The following SP4 variants were observed in gnomAD, a reference collection of about 807,000 sequenced individuals.
SP4 encodes the protein Sp4 transcription factor, also known as transcription factor Sp4.
A neutral mutation model predicts 72.8 loss-of-function variants in SP4; 19 were observed. The observed-to-expected ratio is 0.26, with a 90% CI of 0.18 to 0.38. The LOEUF (loss-of-function observed/expected upper bound fraction) is 0.38, where lower values mean the gene tolerates loss of function less well. Ranked by LOEUF, SP4 falls within the 10% of genes least tolerant of loss-of-function variation. The pLI is 1.00. For missense variants in SP4, 1,008 were observed against 926.3 expected (o/e 1.09, Z -1.14); for synonymous variants, 395 against 333.1 (o/e 1.19, Z -2.02).
chr7:21,467,540 A>C lies in SP4; in HGVS notation c.1679-9539A>C, dbSNP rs531789962. Among the ~76,000 whole-genome samples the C allele has an allele frequency of 5.3e-4, 80 of 152,198 alleles. No individual in the cohort carries two copies. In the Middle Eastern group the frequency reaches 0.017, roughly 32 times the overall value. On this transcript the variant is annotated intron_variant, in intron 3 of 5. Transcript: ENST00000222584. ...CTCCTTTCTATCCTCCCCAGCCCTA[A>C]GCATATTTGGTTATCTTTTTATGTT...
intron 5 of SP4, among the ~76,000 whole-genome samples, chr7:21,499,863 T>G (rs543088004): frequency 3.3e-5 from 5 of 152,300 alleles, no homozygotes; most frequent in African/African-American, 1.2e-4. Flanking sequence ...AAAAACAGAT[T>G]ATAGGCAGAA....
chr7:21,429,530 C>T lies in SP4; in HGVS notation c.365C>T (p.Ser122Phe), dbSNP rs1782758549. The change falls in exon 3 of 6, where the codon TCT becomes TTT. Residue 122 changes from serine (S) to phenylalanine (F), a missense_variant. Transcript: ENST00000222584. ...GAGAATAACGTTTCTCAACCAGCCT[C>T]TAGTTCGTCTAGTTCTTCCAGCAGT... Reference protein sequence around the residue: ...SKENNVSQPASSSSSSSSSNN... With the variant: ...SKENNVSQPAFSSSSSSSSNN... The T allele has an allele frequency of 1.2e-6, 2 of 1,614,014 alleles. No individual in the cohort carries two copies. The highest frequency in any genetic ancestry group is 2.7e-5 in the African/African-American group (2 of 74,926).
At chr7:21,436,385 G>T (rs1323225773) in intron 3 of SP4, among the ~76,000 whole-genome samples, 1 of 152,180 alleles carries the variant, frequency 6.6e-6, no homozygotes, top group Non-Finnish European at 1.5e-5. Context: ...CATAGATCTT[G>T]TAGAAATAAC....
chr7:21,443,921 A>G (rs372172053), intron 3 of SP4, among the ~76,000 whole-genome samples: 8 of 152,262 alleles, frequency 5.3e-5, no homozygotes, highest in African/African-American at 1.7e-4. Flanking sequence ...TACAAACTAT[A>G]ACATGCTTGT....
chr7:21,501,673 A>ATC (rs991513140), intron 5 of SP4, among the ~76,000 whole-genome samples: 16 of 152,300 alleles, frequency 1.1e-4, no homozygotes, highest in African/African-American at 3.8e-4. Flanking sequence ...TAAATGGGTC[A>ATC]TCAATTCCAG....
chr7:21,504,274 C>T (rs375096037), intron 5 of SP4, among the ~76,000 whole-genome samples: 59 of 152,282 alleles, frequency 3.9e-4, no homozygotes, highest in African/African-American at 1.4e-3. Context: ...TTATTTTCCC[C>T]TGCTATTTAT....
At chr7:21,478,737 T>G (rs1170344719) in intron 4 of SP4, among the ~76,000 whole-genome samples, 1 of 152,186 alleles carries the variant, frequency 6.6e-6, no homozygotes, top group African/African-American at 2.4e-5. Flanking sequence ...TCTTTATATA[T>G]TCTACATACA....
intron 3 of SP4, among the ~76,000 whole-genome samples, chr7:21,455,505 AT>A (rs1783734318): frequency 6.6e-6 from 1 of 152,148 alleles, no homozygotes; most frequent in Non-Finnish European, 1.5e-5. Flanking sequence ...ACTTTCCTAT[AT>A]CCTGAATAGG....
At chr7:21,428,346 C>T (rs1782694908) in intron 1 of SP4, 88 bp downstream of exon 1, 1 of 730,592 alleles carries the variant, frequency 1.4e-6, no homozygotes, top group Non-Finnish European at 2.5e-6. Flanking sequence ...CCCCCTCCCC[C>T]GGGGCCGCTG....
intron 4 of SP4, among the ~76,000 whole-genome samples, chr7:21,477,854 T>G (rs1784553998): frequency 6.6e-6 from 1 of 152,180 alleles, no homozygotes; most frequent in Non-Finnish European, 1.5e-5. Context: ...TTTTTTCTTT[T>G]TCATAAAATA....
Position 21,428,195 on chromosome 7 carries a change from C to G in SP4, c.-57C>G. 1 of 982,148 alleles carries G rather than the reference C, an allele frequency of 1.0e-6. No individual in the cohort carries two copies. Among genetic ancestry groups the G allele is most frequent in the Non-Finnish European group, 1.5e-6 (1 of 648,566 alleles). The allele number at this position is 982,148 out of a possible 1,614,324, so 60.8% of individuals were successfully genotyped here. A position where few individuals can be genotyped will look rare whatever the true frequency, so the allele number is the denominator to read the frequency against. On this transcript the variant is annotated 5_prime_UTR_variant, in exon 1 of 6. Coordinates refer to ENST00000222584, the MANE Select transcript of SP4 (RefSeq NM_003112.5). ...GGCCTCTCCTCCCGCCTCGCCCCCA[C>G]CCCCACCCACCTCTATCCCAGTGTC...
intron 3 of SP4, among the ~76,000 whole-genome samples, chr7:21,447,203 C>G (rs1239199083): frequency 6.6e-6 from 1 of 152,218 alleles, no homozygotes; most frequent in Non-Finnish European, 1.5e-5. Flanking sequence ...CTGAGATTCT[C>G]TAGCTTACAA....
chr7:21,495,325 A>G (rs909030783), intron 5 of SP4, among the ~76,000 whole-genome samples: 8 of 152,176 alleles, frequency 5.3e-5, no homozygotes, highest in African/African-American at 1.9e-4. Flanking sequence ...ACTGGGAGAA[A>G]GTGTTTGAAA....
At chr7:21,433,690 C>T (rs1307412801) in intron 3 of SP4, among the ~76,000 whole-genome samples, 1 of 152,178 alleles carries the variant, frequency 6.6e-6, no homozygotes, top group Non-Finnish European at 1.5e-5. Flanking sequence ...CCTGTAATCC[C>T]AGTACTTTGG....
chr7:21,478,716 A>G (rs546172590), intron 4 of SP4, among the ~76,000 whole-genome samples: 22 of 152,278 alleles, frequency 1.4e-4, no homozygotes, highest in African/African-American at 5.3e-4. Flanking sequence ...ATTTTTCATT[A>G]TGGAATTGTC....
intron 5 of SP4, among the ~76,000 whole-genome samples, chr7:21,499,534 A>C (rs1355285965): frequency 6.6e-6 from 1 of 152,206 alleles, no homozygotes; most frequent in Non-Finnish European, 1.5e-5. Flanking sequence ...AGCAGTCAGC[A>C]GAAGCTAGGG....
At chr7:21,461,518 C>T (rs923006058) in intron 3 of SP4, among the ~76,000 whole-genome samples, 31 of 152,200 alleles carry the variant, frequency 2.0e-4, no homozygotes, top group Non-Finnish European at 1.6e-4. Flanking sequence ...CAGGGCCGGC[C>T]GGCAGGCCAG....
chr7:21,474,496 T>C (rs1784438216), intron 3 of SP4, among the ~76,000 whole-genome samples: 2 of 152,242 alleles, frequency 1.3e-5, no homozygotes, highest in South Asian at 4.1e-4. Flanking sequence ...GGTACACAAG[T>C]AGTTTGAATA....
chr7:21,487,791 G>A (rs1298080686), intron 5 of SP4, among the ~76,000 whole-genome samples: 2 of 149,624 alleles, frequency 1.3e-5, no homozygotes, highest in African/African-American at 4.9e-5. Flanking sequence ...TGGTGGTGGT[G>A]GTGGTGGTCA....
Sources: gnomAD v4.1 joint callset for allele counts (sites outside exome capture counted in the v4.1 genomes callset) on GRCh38, gnomAD v4.1.1 for gene constraint, MANE v1.5 for transcripts, NCBI Gene and HGNC (gene_info 2026-07-23, HGNC 2026-07-21) for gene names.